Variants in PPM1L observed in about 807,000 individuals in gnomAD.
PPM1L encodes the protein protein phosphatase 1L.
A neutral mutation model predicts 31.4 loss-of-function variants in PPM1L; 13 were observed. The ratio of observed to expected loss-of-function variants is 0.41; its 90% CI spans 0.27 to 0.66. The LOEUF is 0.66. Among genes scored for constraint, PPM1L ranks in the 30% least tolerant of loss-of-function variants. The pLI is 0.29. For synonymous variants in PPM1L, 184 were observed against 175.4 expected (o/e 1.05, Z -0.39); for missense variants, 326 against 453.7 (o/e 0.72, Z 2.56).
chr3:160,976,197 AC>A (rs1448857688), intron 2 of PPM1L, among the ~76,000 whole-genome samples: 1 of 131,292 alleles, frequency 7.6e-6, no homozygotes, highest in Non-Finnish European at 1.6e-5. Context: ...CATATATTGA[AC>A]CAGCCTTGCA....
At chr3:160,806,261 T>C (rs1194470618) in intron 1 of PPM1L, among the ~76,000 whole-genome samples, 3 of 152,186 alleles carry the variant, frequency 2.0e-5, no homozygotes, top group Non-Finnish European at 1.5e-5. Context: ...CCCCACTTCC[T>C]TCTCCTGGTT....
intron 2 of PPM1L, among the ~76,000 whole-genome samples, chr3:161,057,740 C>T (rs2108103792): frequency 6.6e-6 from 1 of 152,086 alleles, no homozygotes; most frequent in East Asian, 1.9e-4. Flanking sequence ...AACTGCTTTC[C>T]CCTGAGCACG....
At chr3:160,937,170 C>T (rs1011207606) in intron 1 of PPM1L, among the ~76,000 whole-genome samples, 3 of 152,108 alleles carry the variant, frequency 2.0e-5, no homozygotes, top group African/African-American at 7.2e-5. Context: ...TTTACATAGT[C>T]TTACACAATT....
chr3:160,962,032 T>A, intron 2 of PPM1L, 122 bp downstream of exon 2: 1 of 614,394 alleles, frequency 1.6e-6, no homozygotes, highest in Non-Finnish European at 2.6e-6. Context: ...CATGGACTAA[T>A]AGTAAGTTTC....
chr3:160,887,025 T>G (rs2108042552), intron 1 of PPM1L, among the ~76,000 whole-genome samples: 1 of 152,100 alleles, frequency 6.6e-6, no homozygotes, highest in South Asian at 2.1e-4. Flanking sequence ...AATGACCTGA[T>G]GGAGCTGAAA....
intron 1 of PPM1L, among the ~76,000 whole-genome samples, chr3:160,876,365 C>T (rs775042471): frequency 1.3e-5 from 2 of 152,184 alleles, no homozygotes; most frequent in Non-Finnish European, 2.9e-5. Context: ...GGAATGATGG[C>T]AAACTGTGCT....
At chr3:160,972,727 G>A (rs1221797213) in intron 2 of PPM1L, among the ~76,000 whole-genome samples, 3 of 152,038 alleles carry the variant, frequency 2.0e-5, no homozygotes, top group Admixed American at 2.0e-4. Flanking sequence ...TAATGGGATG[G>A]CTGGGTCAAA....
At chr3:160,875,568 G>A (rs1447611) in intron 1 of PPM1L, among the ~76,000 whole-genome samples, 4,145 of 152,258 alleles carry the variant, frequency 0.027, 147 homozygotes, top group African/African-American at 0.08. Context: ...AAGGGGATTT[G>A]GAGAGAGCTT....
chr3:160,997,925 TATGAAGCAGGATCCAAGTACCAC>T (rs1355854711), intron 2 of PPM1L, among the ~76,000 whole-genome samples: 2 of 152,094 alleles, frequency 1.3e-5, no homozygotes, highest in African/African-American at 2.4e-5. Flanking sequence ...CCAAGAACCA[TATGAAGCAGGATCCAAGTACCAC>T]ATGAAGCAGG....
chr3:160,999,342 A>G (rs1440258161), intron 2 of PPM1L, among the ~76,000 whole-genome samples: 1 of 152,172 alleles, frequency 6.6e-6, no homozygotes, highest in Non-Finnish European at 1.5e-5. Flanking sequence ...GCTTAAGATC[A>G]TACTGTGGTT....
chr3:160,823,368 ATTTT>A (rs199918303), intron 1 of PPM1L, among the ~76,000 whole-genome samples: 1 of 142,150 alleles, frequency 7.0e-6, no homozygotes, highest in Non-Finnish European at 1.5e-5. Flanking sequence ...TGTATAAATG[ATTTT>A]TTTTTTTTTT....
At chr3:160,884,105 G>A (rs912497122) in intron 1 of PPM1L, among the ~76,000 whole-genome samples, 11 of 152,016 alleles carry the variant, frequency 7.2e-5, no homozygotes, top group Middle Eastern at 6.8e-3. Context: ...TAAATAGGGG[G>A]AAGACACAAT....
intron 2 of PPM1L, among the ~76,000 whole-genome samples, chr3:161,055,730 T>C (rs1370782118): frequency 6.6e-6 from 1 of 151,836 alleles, no homozygotes; most frequent in African/African-American, 2.4e-5. Context: ...CCCTTTCGCC[T>C]CCTCCCCTTC....
At chr3:160,760,969 G>A (rs977666328) in intron 1 of PPM1L, among the ~76,000 whole-genome samples, 13 of 152,180 alleles carry the variant, frequency 8.5e-5, no homozygotes, top group African/African-American at 3.1e-4. Flanking sequence ...AGGGACTGCA[G>A]TCTTGAGGCT....
intron 1 of PPM1L, among the ~76,000 whole-genome samples, chr3:160,842,687 T>TA (rs1390403141): frequency 6.6e-6 from 1 of 152,206 alleles, no homozygotes; most frequent in Non-Finnish European, 1.5e-5. Flanking sequence ...TTTTCAGTCT[T>TA]AAAATGCATT....
At chr3:160,867,112 G>A (rs568732256) in intron 1 of PPM1L, among the ~76,000 whole-genome samples, 1 of 152,166 alleles carries the variant, frequency 6.6e-6, no homozygotes, top group Non-Finnish European at 1.5e-5. Context: ...AGTGCTGGGA[G>A]CCTGTATATA....
At chr3:160,831,108 GT>G (rs1379085180) in intron 1 of PPM1L, among the ~76,000 whole-genome samples, 2 of 152,096 alleles carry the variant, frequency 1.3e-5, no homozygotes, top group Non-Finnish European at 2.9e-5. Flanking sequence ...GAGAACCCAG[GT>G]TTTTCACTGG....
chr3:161,006,407 G>GA (rs960501807), intron 2 of PPM1L, among the ~76,000 whole-genome samples: 5 of 152,034 alleles, frequency 3.3e-5, no homozygotes, highest in East Asian at 1.9e-4. Context: ...TTTGGGAGAT[G>GA]AAAAAATTCT....
intron 2 of PPM1L, among the ~76,000 whole-genome samples, chr3:160,984,375 A>G (rs1166998812): frequency 6.6e-6 from 1 of 152,190 alleles, no homozygotes; most frequent in Non-Finnish European, 1.5e-5. Context: ...CCAGACTTTA[A>G]GGTTATCTCC....
Sources: gnomAD v4.1 joint callset for allele counts (sites outside exome capture counted in the v4.1 genomes callset) on GRCh38, gnomAD v4.1.1 for gene constraint, MANE v1.5 for transcripts, NCBI Gene and HGNC (gene_info 2026-07-23, HGNC 2026-07-21) for gene names.